PHACTR3: variants seen among roughly 807,000 people sequenced by gnomAD.
The protein encoded by PHACTR3 is protein phosphatase 1, regulatory subunit 123.
PHACTR3 carries 16 observed loss-of-function variants against 66.8 expected under a neutral mutation model. The ratio of observed to expected loss-of-function variants is 0.24; its 90% CI spans 0.16 to 0.36. The LOEUF (loss-of-function observed/expected upper bound fraction) is 0.36. Ranked by LOEUF, PHACTR3 falls within the 10% of genes least tolerant of loss-of-function variation. The pLI is 1.00. For synonymous variants in PHACTR3, 323 were observed against 292.1 expected (o/e 1.11, Z -1.08); for missense variants, 647 against 719.9 (o/e 0.90, Z 1.16).
In PHACTR3 at chr20:59,674,799, C is replaced by G. The variant is rs7265542; in HGVS notation, c.119-68308C>G. On this transcript the variant is annotated intron_variant, in intron 1 of 12. Coordinates refer to ENST00000371015, the MANE Select transcript of PHACTR3 (RefSeq NM_080672.5). ...CTCCTTCTGTTTCCCCCCTTCTCCT[C>G]TTCCCACCTTCTCCTGTCCCCCACT... Among the ~76,000 whole-genome samples the G allele has an allele frequency of 9.1e-3, 363 of 40,004 alleles. 3 individuals are homozygous for G. Among genetic ancestry groups the G allele is most frequent in the Middle Eastern group, 0.034 (2 of 58 alleles). 26.2% of individuals were successfully genotyped at this position (40,004 alleles called of 152,430 possible). A position where few individuals can be genotyped will look rare whatever the true frequency, so the allele number is the denominator to read the frequency against.
intron 1 of PHACTR3, among the ~76,000 whole-genome samples, chr20:59,685,425 C>A (rs889353783): frequency 1.3e-5 from 2 of 152,188 alleles, no homozygotes; most frequent in Non-Finnish European, 2.9e-5. Flanking sequence ...TGCTTTGTGA[C>A]CTGGTTCCTC....
intron 1 of PHACTR3, among the ~76,000 whole-genome samples, chr20:59,719,726 G>A (rs1480859342): frequency 1.3e-5 from 2 of 152,160 alleles, no homozygotes; most frequent in Admixed American, 1.3e-4. Flanking sequence ...AATTAGTTCG[G>A]CTTCCCAAAC....
chr20:59,731,524 G>A (rs948075925), intron 1 of PHACTR3, among the ~76,000 whole-genome samples: 1 of 152,142 alleles, frequency 6.6e-6, no homozygotes, highest in African/African-American at 2.4e-5. Context: ...AGATCCACTT[G>A]ATTTACAGAT....
At chr20:59,666,420 A>C (rs1300986094) in intron 1 of PHACTR3, among the ~76,000 whole-genome samples, 1 of 152,226 alleles carries the variant, frequency 6.6e-6, no homozygotes, top group Admixed American at 6.5e-5. Context: ...CTGGAATGTC[A>C]GGTGGATTCA....
chr20:59,697,762 C>T (rs2037354444), intron 1 of PHACTR3, among the ~76,000 whole-genome samples: 1 of 152,098 alleles, frequency 6.6e-6, no homozygotes, highest in African/African-American at 2.4e-5. Context: ...AATAAATTAC[C>T]CAGTCTTGGG....
In PHACTR3 at chr20:59,641,539, A is replaced by G. The variant is rs192442057; in HGVS notation, c.118+36407A>G. On this transcript the variant is annotated intron_variant, in intron 1 of 12. Transcript: ENST00000371015. ...GTCTTCCTGCTCTATTCAGTCCCTC[A>G]ATGGATTGGATGAGGCCCACTCATG... Among the ~76,000 whole-genome samples, 15 of 152,300 alleles carry G rather than the reference A, an allele frequency of 9.8e-5. No homozygotes were observed. In the East Asian group the frequency reaches 2.7e-3, roughly 27 times the overall value.
chr20:59,622,287 T>A (rs928410063), intron 1 of PHACTR3, among the ~76,000 whole-genome samples: 5 of 152,108 alleles, frequency 3.3e-5, no homozygotes, highest in Admixed American at 2.6e-4. Flanking sequence ...GGCTTCAGCC[T>A]CAGCCGTACT....
chr20:59,628,579 T>C (rs2034547371), intron 1 of PHACTR3: 1 of 980,296 alleles, frequency 1.0e-6, no homozygotes, highest in Admixed American at 6.2e-5. Context: ...AGCCCTGTTC[T>C]CTCCCCGAGT....
chr20:59,757,357 C>G (rs1432078681), intron 4 of PHACTR3, among the ~76,000 whole-genome samples: 1 of 152,236 alleles, frequency 6.6e-6, no homozygotes, highest in Non-Finnish European at 1.5e-5. Context: ...TTCCTGAGAG[C>G]AGAGTGGGTC....
chr20:59,604,266 A>AT (rs1262986575), upstream of PHACTR3, among the ~76,000 whole-genome samples: 2 of 152,244 alleles, frequency 1.3e-5, no homozygotes, highest in East Asian at 3.9e-4. Flanking sequence ...TGCTGGGGAA[A>AT]TTAGGGGCTC....
chr20:59,750,241 G>A (rs753086910), intron 3 of PHACTR3, among the ~76,000 whole-genome samples: 4 of 151,684 alleles, frequency 2.6e-5, no homozygotes, highest in Non-Finnish European at 5.9e-5. Flanking sequence ...GGAGATGTTT[G>A]AGTCAGGTCC....
chr20:59,760,425 A>T (rs961415159), intron 4 of PHACTR3, among the ~76,000 whole-genome samples: 4 of 152,062 alleles, frequency 2.6e-5, no homozygotes, highest in Non-Finnish European at 5.9e-5. Flanking sequence ...GTGTGGTGGG[A>T]GGGACCTGGT....
chr20:59,723,895 G>A (rs899446416), intron 1 of PHACTR3, among the ~76,000 whole-genome samples: 1 of 152,076 alleles, frequency 6.6e-6, no homozygotes, highest in African/African-American at 2.4e-5. Flanking sequence ...CTCAGGAGTA[G>A]AATCACTGTA....
At chr20:59,824,712 T>C (rs2042135462) in intron 8 of PHACTR3, among the ~76,000 whole-genome samples, 1 of 152,200 alleles carries the variant, frequency 6.6e-6, no homozygotes. Flanking sequence ...AGAGAATATA[T>C]GCATCTGTCA....
intron 1 of PHACTR3, among the ~76,000 whole-genome samples, chr20:59,690,621 C>T (rs1473707970): frequency 4.6e-5 from 7 of 152,106 alleles, no homozygotes; most frequent in African/African-American, 1.4e-4. Flanking sequence ...TTCCAAAGAA[C>T]AAGCAGGAAA....
intron 1 of PHACTR3, among the ~76,000 whole-genome samples, chr20:59,701,634 A>G (rs186927326): frequency 3.3e-5 from 5 of 152,340 alleles, no homozygotes; most frequent in African/African-American, 7.2e-5. Flanking sequence ...GTGAGTTCCC[A>G]TATACCTCCT....
At chr20:59,704,604 C>T (rs940408354) in intron 1 of PHACTR3, among the ~76,000 whole-genome samples, 20 of 139,466 alleles carry the variant, frequency 1.4e-4, no homozygotes, top group African/African-American at 4.3e-4. Context: ...TGGAAATGCA[C>T]GTCTTATAGT....
chr20:59,586,075 G>A lies in PHACTR3; in HGVS notation c.109+8458G>A, dbSNP rs571470942. 1.4e-4 allele frequency among the ~76,000 whole-genome samples: 22 copies of A among 152,288 alleles called. No individual in the cohort carries two copies. The East Asian group carries it at 3.3e-3, about 23-fold the overall frequency. On this transcript the variant is annotated intron_variant, in intron 1 of 12. Coordinates refer to the PHACTR3 transcript ENST00000359926. ...TCTCCAATACCCACCCTATGTGTTC[G>A]TGCTGTCACCTGACAGGTGCCCTTG...
intron 8 of PHACTR3, among the ~76,000 whole-genome samples, chr20:59,817,388 A>G (rs538309557): frequency 1.7e-4 from 26 of 152,358 alleles, no homozygotes; most frequent in African/African-American, 6.3e-4. Flanking sequence ...AGGATACTCC[A>G]GAAGCCTCCA....
Sources: allele counts gnomAD v4.1 joint callset (sites outside exome capture counted in the v4.1 genomes callset), GRCh38; gene constraint gnomAD v4.1.1; transcripts MANE v1.5; gene names NCBI Gene and HGNC (gene_info 2026-07-23, HGNC 2026-07-21).